The following COL5A3 variants were observed in gnomAD, a reference collection of about 807,000 sequenced individuals.
COL5A3 encodes collagen alpha-3(V) chain.
Under a neutral mutation model 250.0 loss-of-function variants are expected in COL5A3, and 172 were observed. That is an observed-to-expected ratio of 0.69 (90% confidence interval 0.61 to 0.78). The LOEUF is 0.78. Among genes scored for constraint, COL5A3 ranks in the 30% least tolerant of loss-of-function variants. COL5A3 has a pLI of 0.00. For missense variants in COL5A3, 2,340 were observed against 2,334.4 expected (o/e 1.00, Z -0.05); for synonymous variants, 937 against 900.4 (o/e 1.04, Z -0.73).
intron 24 of COL5A3, among the ~76,000 whole-genome samples, chr19:9,991,327 C>T (rs2087185365): frequency 6.6e-6 from 1 of 152,186 alleles, no homozygotes. Context: ...AAGATGAGAC[C>T]CACAGGGCCT....
chr19:9,993,491 C>T lies in COL5A3; in HGVS notation c.1696-58G>A, dbSNP rs114827344. The T allele has an allele frequency of 3.4e-3, 5,490 of 1,599,008 alleles. 63 individuals are homozygous for T. Among genetic ancestry groups the T allele is most frequent in the African/African-American group, 0.034 (2,554 of 74,658 alleles). On this transcript the variant is annotated intron_variant, in intron 18 of 66. Transcript: ENST00000264828. The stretch of plus-strand genomic sequence containing the variant: ...AAGGGTGTGGGCGGAGAGACCAGCC[C>T]CCTGGGAAGGCAGATGGGGTGTGAG...
chr19:9,991,722 CTGG>C, intron 23 of COL5A3, 63 bp downstream of exon 23: 1 of 1,601,296 alleles, frequency 6.2e-7, no homozygotes, highest in Non-Finnish European at 8.5e-7. Context: ...GTTGGGAAGC[CTGG>C]TCACGGTCTA....
rs370034492 is a variant in COL5A3 at position 9,975,742 on chromosome 19, G to A, written c.3342+816C>T. The stretch of plus-strand genomic sequence containing the variant: ...CACATTGGGTGCTGGTATTGAGGGG[G>A]AACACATGGTTGGGTTGGGATTGAA... On this transcript the variant is annotated intron_variant, in intron 45 of 66. Transcript: ENST00000264828. Among the ~76,000 whole-genome samples the A allele has an allele frequency of 4.2e-4, 63 of 149,898 alleles. No individual in the cohort carries two copies. The Middle Eastern group carries it at 0.014, about 34-fold the overall frequency.
intron 24 of COL5A3, among the ~76,000 whole-genome samples, chr19:9,990,402 A>AAAAAC (rs1206724049): frequency 1.3e-5 from 2 of 151,592 alleles, no homozygotes; most frequent in African/African-American, 4.9e-5. Flanking sequence ...CAAAAAAAAA[A>AAAAAC]AAAAAACTAA....
At chr19:9,967,078 G>A (rs1009604726) in intron 62 of COL5A3, among the ~76,000 whole-genome samples, 1 of 152,126 alleles carries the variant, frequency 6.6e-6, no homozygotes, top group Admixed American at 6.5e-5. Flanking sequence ...AGATAAGGGA[G>A]ATGGACAGAG....
At chr19:9,992,929 G>T (rs761678795) in intron 20 of COL5A3, 49 bp from the exon 21 acceptor site, 1 of 1,609,136 alleles carries the variant, frequency 6.2e-7, no homozygotes, top group South Asian at 1.1e-5. Flanking sequence ...GTGTGGCCAT[G>T]TGAGCTCTAG....
At chr19:9,972,847 A>C in intron 51 of COL5A3, 72 bp downstream of exon 51, 2 of 1,201,742 alleles carry the variant, frequency 1.7e-6, no homozygotes, top group Non-Finnish European at 2.3e-6. Flanking sequence ...AAAAAAAAAA[A>C]AGTTTGGGAG....
rs765669238 is a variant in COL5A3 at position 9,980,781 on chromosome 19, C to T, written c.2559+25G>A. 10 of 1,613,138 alleles carry T rather than the reference C, an allele frequency of 6.2e-6. No homozygotes were observed. In the East Asian group the frequency reaches 2.0e-4, roughly 32 times the overall value. Reference sequence around the variant, plus strand: ...CTGGCTGAGCCTGGGGCATGGGGGGCCTTGATTGCCCACCCATCCCATACC... The same window carrying T: ...CTGGCTGAGCCTGGGGCATGGGGGGTCTTGATTGCCCACCCATCCCATACC... On this transcript the variant is annotated intron_variant, in intron 34 of 66. Coordinates refer to ENST00000264828, the MANE Select transcript of COL5A3 (RefSeq NM_015719.4).
chr19:9,980,973 G>T, intron 33 of COL5A3, 114 bp from the exon 34 acceptor site: 1 of 1,498,816 alleles, frequency 6.7e-7, no homozygotes, highest in Non-Finnish European at 9.2e-7. Context: ...CCCGACCAGG[G>T]ACATTGATAT....
Position 9,968,911 on chromosome 19 carries a change from C to A in COL5A3, c.4153-183G>T. On this transcript the variant is annotated intron_variant, in intron 57 of 66. Transcript: ENST00000264828. This position sits in a 1 kb window ranked among gnomAD's most constrained non-coding sequence, Gnocchi z 4.1. ...ATGATGAGAGCTAATGAGGGGTTGA[C>A]TGGAGGATGGACAACGTGAGTGGTC... The A allele has an allele frequency of 1.5e-6, 1 of 654,376 alleles. No homozygotes were observed. The highest frequency in any genetic ancestry group is 1.7e-5 in the South Asian group (1 of 57,276). The allele number at this position is 654,376 out of a possible 1,614,324, so 40.5% of individuals were successfully genotyped here. A position where few individuals can be genotyped will look rare whatever the true frequency, so the allele number is the denominator to read the frequency against.
Position 9,979,398 on chromosome 19 carries a change from C to T in COL5A3, c.2732G>A (p.Gly911Asp). 1.2e-6 allele frequency: 2 copies of T among 1,614,112 alleles called. No homozygotes were observed. Among genetic ancestry groups the T allele is most frequent in the Non-Finnish European group, 1.7e-6 (2 of 1,180,004 alleles). Residue 911 changes from glycine (G) to aspartate (D), a missense_variant, in exon 38 of 67, where the codon GGC (glycine) becomes GAC (aspartate). Physicochemically the swap from Gly to Asp is moderately conservative, Grantham distance 94. Transcript: ENST00000264828. ...RGELGFQGQT[G>D]PPGPAGVLGP... Reference sequence around the variant, plus strand: ...TAAGACACCAGCTGGTCCAGGCGGGCCTGTCTGACCTTGGAAGCCCTAGAG... The same window carrying T: ...TAAGACACCAGCTGGTCCAGGCGGGTCTGTCTGACCTTGGAAGCCCTAGAG...
rs765530466 is a variant in COL5A3 at position 9,979,423 on chromosome 19, G to A, written c.2713-6C>T. 2 of 1,614,140 alleles carry A rather than the reference G, an allele frequency of 1.2e-6. No homozygotes were observed. Among genetic ancestry groups the A allele is most frequent in the East Asian group, 4.5e-5 (2 of 44,868 alleles). ...CCTGTCTGACCTTGGAAGCCCTAGA[G>A]AGAAAAATTAAATGTGGGGGCGGTG... On this transcript the variant is annotated splice_polypyrimidine_tract_variant and splice_region_variant and intron_variant, in intron 37 of 66. Coordinates refer to ENST00000264828, the MANE Select transcript of COL5A3 (RefSeq NM_015719.4).
chr19:9,973,611 C>A lies in COL5A3; in HGVS notation c.3625G>T (p.Asp1209Tyr). The change falls in exon 50 of 67, where the codon GAC (aspartate) becomes TAC (tyrosine). Residue 1209 changes from aspartate to tyrosine, a missense_variant. Coordinates refer to ENST00000264828, the MANE Select transcript of COL5A3 (RefSeq NM_015719.4). ...CCTGGAGGCCCTGGGTCTCCAGCGT[C>A]CCCTCGCTCACCCTGCAGGAGGCAA... ...GAVGEKGERG[D>Y]AGDPGPPGAP... 1 of 1,612,980 alleles carries A rather than the reference C, an allele frequency of 6.2e-7. No homozygotes were observed. Among genetic ancestry groups the A allele is most frequent in the African/African-American group, 1.3e-5 (1 of 74,988 alleles).
chr19:9,966,794 G>T, intron 62 of COL5A3, 48 bp from the exon 63 acceptor site: 1 of 1,388,980 alleles, frequency 7.2e-7, no homozygotes, highest in Non-Finnish European at 9.8e-7. Flanking sequence ...ATGGGGGAGG[G>T]AGAGAGAGGG....
Position 10,009,161 on chromosome 19 carries a change from GGTGTGT to G in COL5A3, c.88+1131_88+1136del, listed in dbSNP as rs4044577. Among the ~76,000 whole-genome samples the G allele has an allele frequency of 0.25, 35,187 of 140,104 alleles. 4,744 individuals carry two copies. The highest frequency in any genetic ancestry group is 0.35 in the Middle Eastern group (96 of 276). The allele number at this position is 140,104 out of a possible 152,430, so 91.9% of individuals were successfully genotyped here. On this transcript the variant is annotated intron_variant, in intron 1 of 66. Coordinates refer to ENST00000264828, the MANE Select transcript of COL5A3 (RefSeq NM_015719.4). The surrounding 1 kb of genome is among the most constrained non-coding windows in gnomAD (Gnocchi z 4.4). ...GACTCCAAAGTAAGAAGTGTGCTGTGGTGTGTGTGTGTGTGTGTGTGTGTGTGTGTG... is the reference window on the plus strand; with the variant it reads ...GACTCCAAAGTAAGAAGTGTGCTGTGGTGTGTGTGTGTGTGTGTGTGTGTG...
Position 9,967,919 on chromosome 19 carries a change from G to T in COL5A3, c.4389C>A (p.Gly1463=). 1 of 1,613,306 alleles carries T rather than the reference G, an allele frequency of 6.2e-7. No individual in the cohort carries two copies. Among genetic ancestry groups the T allele is most frequent in the South Asian group, 1.1e-5 (1 of 90,950 alleles). The change falls in exon 61 of 67, where the codon GGC becomes GGA. Residue 1463 remains glycine, a synonymous_variant. Transcript: ENST00000264828. ...PGVAGPLGQK[G]SKGSPGSMGP... is the part of the protein sequence containing the mutation. ...GTGTACTCACCGGAGACCCTTTTGA[G>T]CCTTTCTGTCCTAGAGGGCCCTGTA...
At chr19:9,990,541 T>C (rs1171542920) in intron 24 of COL5A3, among the ~76,000 whole-genome samples, 4 of 151,680 alleles carry the variant, frequency 2.6e-5, no homozygotes, top group Non-Finnish European at 5.9e-5. Context: ...ATACCTACTA[T>C]GTACCCACAA....
chr19:9,968,119 C>G lies in COL5A3; in HGVS notation c.4315-40G>C. ...TCGGGTCAGTATTGGTGGGGTACACCCTATTGCCCTGACACATCCCCCAGA... is the reference window on the plus strand; with the variant it reads ...TCGGGTCAGTATTGGTGGGGTACACGCTATTGCCCTGACACATCCCCCAGA... On this transcript the variant is annotated intron_variant, in intron 59 of 66. Transcript: ENST00000264828. The surrounding 1 kb of genome is among the most constrained non-coding windows in gnomAD (Gnocchi z 4.1). The G allele has an allele frequency of 6.4e-7, 1 of 1,553,440 alleles. No homozygotes were observed. The highest frequency in any genetic ancestry group is 1.2e-5 in the South Asian group (1 of 84,808).
Position 9,960,241 on chromosome 19 carries a change from C to A in COL5A3, c.*170G>T. 1.2e-6 allele frequency: 1 copy of A among 824,140 alleles called. No homozygotes were observed. Among genetic ancestry groups the A allele is most frequent in the East Asian group, 2.7e-5 (1 of 37,278 alleles). The allele number at this position is 824,140 out of a possible 1,614,324, so 51.1% of individuals were successfully genotyped here. Reference sequence around the variant, plus strand: ...GCTGGACCCTTGGGCCAGGGAACCCCAGCCCCCAGCACCCTGGAAAGGAGA... The same window carrying A: ...GCTGGACCCTTGGGCCAGGGAACCCAAGCCCCCAGCACCCTGGAAAGGAGA... On this transcript the variant is annotated 3_prime_UTR_variant, in exon 67 of 67. Coordinates refer to ENST00000264828, the MANE Select transcript of COL5A3 (RefSeq NM_015719.4).
Sources: gnomAD v4.1 joint callset for allele counts (sites outside exome capture counted in the v4.1 genomes callset) on GRCh38, gnomAD v4.1.1 for gene constraint, Gnocchi (gnomAD v3.1) non-coding constraint, MANE v1.5 for transcripts, NCBI Gene and HGNC (gene_info 2026-07-23, HGNC 2026-07-21) for gene names.